LRRC4C: variants seen among roughly 807,000 people sequenced by gnomAD.
LRRC4C encodes leucine-rich repeat-containing protein 4C.
Under a neutral mutation model 33.6 loss-of-function variants are expected in LRRC4C, and 5 were observed. The observed-to-expected ratio is 0.15, with a 90% CI of 0.08 to 0.31. The LOEUF is 0.31. Among genes scored for constraint, LRRC4C ranks in the 10% least tolerant of loss-of-function variants. LRRC4C has a pLI of 1.00. For synonymous variants in LRRC4C, 329 were observed against 302.0 expected (o/e 1.09, Z -0.93); for missense variants, 560 against 796.7 (o/e 0.70, Z 3.58).
At chr11:40,463,293 G>A (rs1402060745) in intron 3 of LRRC4C, among the ~76,000 whole-genome samples, 2 of 146,000 alleles carry the variant, frequency 1.4e-5, no homozygotes, top group East Asian at 2.1e-4. Context: ...ATAGGTGTGC[G>A]TATGTGTTAC....
At chr11:40,735,359 T>C (rs1423438242) in intron 2 of LRRC4C, among the ~76,000 whole-genome samples, 2 of 147,880 alleles carry the variant, frequency 1.4e-5, no homozygotes, top group Non-Finnish European at 3.0e-5. Flanking sequence ...CCCCTTCCTG[T>C]GTCCATGTGT....
At chr11:40,722,745 G>C (rs557604876) in intron 2 of LRRC4C, among the ~76,000 whole-genome samples, 12 of 152,256 alleles carry the variant, frequency 7.9e-5, no homozygotes, top group Admixed American at 2.0e-4. Flanking sequence ...CCTAGCAATG[G>C]ATCCTAACCA....
In LRRC4C at chr11:41,448,122, G is replaced by GGTT. The variant is rs1554934483; in HGVS notation, c.-496+11308_-496+11309insAAC. The stretch of plus-strand genomic sequence containing the variant: ...ACAAACGAGGCTGCTGCACACGTCT[G>GGTT]TTTTTTTTTTTTTTTTTTTTGGAGC... On this transcript the variant is annotated intron_variant, in intron 1 of 6. Coordinates refer to ENST00000528697, the MANE Select transcript of LRRC4C (RefSeq NM_001258419.2). Among the ~76,000 whole-genome samples the GGTT allele has an allele frequency of 7.7e-4, 36 of 46,906 alleles. 2 individuals are homozygous for GGTT. The highest frequency in any genetic ancestry group is 1.3e-3 in the Non-Finnish European group (30 of 22,916). 30.8% of individuals were successfully genotyped at this position (46,906 alleles called of 152,430 possible). A position where few individuals can be genotyped will look rare whatever the true frequency, so the allele number is the denominator to read the frequency against.
At chr11:40,546,359 T>C (rs1405805087) in intron 3 of LRRC4C, among the ~76,000 whole-genome samples, 2 of 152,042 alleles carry the variant, frequency 1.3e-5, no homozygotes, top group East Asian at 1.9e-4. Context: ...AGGTACTTTA[T>C]ATTTTTACCA....
intron 5 of LRRC4C, among the ~76,000 whole-genome samples, chr11:40,190,954 A>T (rs2135602449): frequency 6.6e-6 from 1 of 152,340 alleles, no homozygotes; most frequent in East Asian, 1.9e-4. Flanking sequence ...CAGATTCAAG[A>T]GGTCTTTCAT....
At chr11:40,765,559 G>A (rs1341237207) in intron 2 of LRRC4C, among the ~76,000 whole-genome samples, 3 of 152,074 alleles carry the variant, frequency 2.0e-5, no homozygotes, top group Non-Finnish European at 4.4e-5. Context: ...TTTTAAAGGA[G>A]CATAATGAAA....
rs140831483 is a variant in LRRC4C, at chr11:41,343,778, G to A, written c.-496+115653C>T. Among the ~76,000 whole-genome samples, 4 of 152,196 alleles carry A rather than the reference G, an allele frequency of 2.6e-5. No homozygotes were observed. The East Asian group carries it at 7.7e-4, about 29-fold the overall frequency. On this transcript the variant is annotated intron_variant, in intron 1 of 6. Transcript: ENST00000528697. ...TTTTGGTGTTTTTATGATATGGAATGTTTTTCCAGGAAAGAAGTCCCTATT... is the reference window on the plus strand; with the variant it reads ...TTTTGGTGTTTTTATGATATGGAATATTTTTCCAGGAAAGAAGTCCCTATT...
chr11:40,546,824 A>G (rs1956943934), intron 3 of LRRC4C, among the ~76,000 whole-genome samples: 1 of 152,106 alleles, frequency 6.6e-6, no homozygotes, highest in African/African-American at 2.4e-5. Flanking sequence ...GATGGAAAAA[A>G]CAGAGATTTT....
At chr11:41,193,620 C>A (rs533268091) in intron 1 of LRRC4C, among the ~76,000 whole-genome samples, 1 of 152,062 alleles carries the variant, frequency 6.6e-6, no homozygotes, top group African/African-American at 2.4e-5. Context: ...TATCAAGACA[C>A]GGATCTTGAT....
At chr11:41,119,554 G>T (rs922861244) in intron 1 of LRRC4C, among the ~76,000 whole-genome samples, 1 of 152,160 alleles carries the variant, frequency 6.6e-6, no homozygotes, top group East Asian at 1.9e-4. Flanking sequence ...TCCCTCAAAC[G>T]TCATGCCACT....
intron 2 of LRRC4C, among the ~76,000 whole-genome samples, chr11:40,754,192 TTCA>T: frequency 6.6e-6 from 1 of 152,214 alleles, no homozygotes; most frequent in Admixed American, 6.6e-5. Context: ...TCACTGATGT[TTCA>T]TCACCATTGG....
In LRRC4C at chr11:41,062,502, A is replaced by AT. The variant is rs933900189; in HGVS notation, c.-495-128780dup. 1.4e-4 allele frequency among the ~76,000 whole-genome samples: 22 copies of AT among 151,874 alleles called. No homozygotes were observed. In the South Asian group the frequency reaches 1.5e-3, roughly 10 times the overall value. ...TCTTTCTTTGCTGCTTGACCAACAA[A>AT]TTTTTTTTTCCAAAATTATAAGTAA... On this transcript the variant is annotated intron_variant, in intron 1 of 6. Coordinates refer to ENST00000528697, the MANE Select transcript of LRRC4C (RefSeq NM_001258419.2).
intron 3 of LRRC4C, among the ~76,000 whole-genome samples, chr11:40,541,528 GGACAAT>G (rs757554473): frequency 3.3e-5 from 5 of 152,114 alleles, no homozygotes; most frequent in Non-Finnish European, 7.4e-5. Flanking sequence ...ATCCTGAACT[GGACAAT>G]GACCTTGCCT....
chr11:40,750,539 C>A (rs1251690864), intron 2 of LRRC4C, among the ~76,000 whole-genome samples: 1 of 150,992 alleles, frequency 6.6e-6, no homozygotes, highest in Non-Finnish European at 1.5e-5. Context: ...TCATTCTCAG[C>A]AAACTATTGC....
chr11:40,307,518 C>T (rs1185101702), intron 4 of LRRC4C, among the ~76,000 whole-genome samples: 3 of 152,198 alleles, frequency 2.0e-5, no homozygotes, highest in Non-Finnish European at 4.4e-5. Flanking sequence ...TTTCCAACTG[C>T]ATGATATTTC....
At chr11:40,643,531 A>T (rs191323653) in intron 3 of LRRC4C, among the ~76,000 whole-genome samples, 3 of 152,064 alleles carry the variant, frequency 2.0e-5, no homozygotes, top group Non-Finnish European at 4.4e-5. Flanking sequence ...TACCCCTACC[A>T]TCCCTATATG....
chr11:40,587,255 C>G lies in LRRC4C; in HGVS notation c.-270+60887G>C, dbSNP rs1369792246. ...TGAAGCAATTGTGAATGGGAGTTCA[C>G]TCATGATTTGGCTCTCTGTTTGTCT... On this transcript the variant is annotated intron_variant, in intron 3 of 6. Transcript: ENST00000528697. 2.0e-5 allele frequency among the ~76,000 whole-genome samples: 3 copies of G among 147,212 alleles called. No individual in the cohort carries two copies. The Admixed American group carries it at 2.1e-4, about 10-fold the overall frequency.
intron 1 of LRRC4C, among the ~76,000 whole-genome samples, chr11:41,037,352 G>C (rs1277752046): frequency 6.9e-6 from 1 of 145,306 alleles, no homozygotes; most frequent in African/African-American, 2.5e-5. Flanking sequence ...TTTTTGTTTT[G>C]TTTTTCAGAC....
chr11:40,981,393 G>T (rs950599122), intron 1 of LRRC4C, among the ~76,000 whole-genome samples: 5 of 150,396 alleles, frequency 3.3e-5, no homozygotes, highest in Middle Eastern at 3.4e-3. Context: ...CAGCCTGGGC[G>T]ACAGAGCAAG....
Sources: gnomAD v4.1 joint callset for allele counts (sites outside exome capture counted in the v4.1 genomes callset) on GRCh38, gnomAD v4.1.1 for gene constraint, MANE v1.5 for transcripts, NCBI Gene and HGNC (gene_info 2026-07-23, HGNC 2026-07-21) for gene names.